DNAAF4: variants seen among roughly 807,000 people sequenced by gnomAD.
DNAAF4 encodes dynein axonemal assembly factor 4.
Under a neutral mutation model 51.8 loss-of-function variants are expected in DNAAF4, and 43 were observed. The observed-to-expected ratio is 0.83, with a 90% CI of 0.65 to 1.07. The LOEUF (loss-of-function observed/expected upper bound fraction) is 1.07, where lower values mean the gene tolerates loss of function less well. DNAAF4 is among the 50% of genes least tolerant of loss of function. The pLI, the probability that DNAAF4 is intolerant of heterozygous loss-of-function variation, is 0.00. For synonymous variants in DNAAF4, 194 were observed against 165.6 expected, an observed-to-expected ratio of 1.17 and a Z score of -1.32; for missense variants, 581 against 493.0, an observed-to-expected ratio of 1.18 and a Z score of -1.69.
At chr15:55,442,663 A>G in intron 6 of DNAAF4, 8 of 1,528,952 alleles carry the variant, frequency 5.2e-6, no homozygotes, top group Admixed American at 3.3e-5. Flanking sequence ...ATTCAGCTTT[A>G]TAAGTAAGCT....
intron 2 of DNAAF4, 119 bp from the exon 3 acceptor site, chr15:55,497,978 A>C (rs553735869): frequency 7.2e-7 from 1 of 1,390,590 alleles, no homozygotes; most frequent in East Asian, 2.4e-5. Flanking sequence ...TATGCCAGGT[A>C]GTGAAAGATT....
chr15:55,464,078 C>T (rs1020832334), intron 5 of DNAAF4, among the ~76,000 whole-genome samples: 2 of 152,154 alleles, frequency 1.3e-5, no homozygotes, highest in Non-Finnish European at 2.9e-5. Context: ...CCACAGTTAC[C>T]AAAACAGTAT....
intron 6 of DNAAF4, among the ~76,000 whole-genome samples, chr15:55,440,882 C>A (rs577236560): frequency 6.7e-6 from 1 of 149,818 alleles, no homozygotes; most frequent in East Asian, 2.0e-4. Flanking sequence ...GGGGTTTCAC[C>A]ATATGGGCCA....
intron 5 of DNAAF4, among the ~76,000 whole-genome samples, chr15:55,458,472 C>A (rs2058050790): frequency 6.6e-6 from 1 of 151,892 alleles, no homozygotes; most frequent in South Asian, 2.1e-4. Context: ...TTCAAACGAA[C>A]CCAATCCAAC....
intron 3 of DNAAF4, among the ~76,000 whole-genome samples, chr15:55,491,853 CTTGT>C (rs1040504103): frequency 2.0e-4 from 29 of 147,088 alleles, no homozygotes; most frequent in African/African-American, 5.2e-4. Context: ...CCATCCACAG[CTTGT>C]TTGTTTGTTT....
At position 55,432,485 on chromosome 15, in the gene DNAAF4, T is replaced by C; in HGVS notation, c.1153+12A>G. ...TAACTTGGGACTTAAACCATTTCTA[T>C]CAATTCCTTACCTTCTACATACAAT... On this transcript the variant is annotated intron_variant, in intron 9 of 9. Coordinates refer to ENST00000321149, the MANE Select transcript of DNAAF4 (RefSeq NM_130810.4). 1 of 1,603,682 alleles carries C rather than the reference T, an allele frequency of 6.2e-7. No individual in the cohort carries two copies. The highest frequency in any genetic ancestry group is 1.1e-5 in the South Asian group (1 of 89,562).
chr15:55,466,870 A>G, intron 5 of DNAAF4, 60 bp downstream of exon 5: 1 of 1,556,618 alleles, frequency 6.4e-7, no homozygotes, highest in Non-Finnish European at 8.6e-7. Flanking sequence ...AAAAAAAGAA[A>G]AGCGTCATAT....
chr15:55,440,342 C>T (rs1354798305), intron 6 of DNAAF4, among the ~76,000 whole-genome samples: 10 of 148,558 alleles, frequency 6.7e-5, no homozygotes, highest in African/African-American at 2.0e-4. Context: ...TGAGCCACCA[C>T]GCCTGGCCAA....
intron 4 of DNAAF4, among the ~76,000 whole-genome samples, chr15:55,476,275 C>T (rs2058333432): frequency 6.6e-6 from 1 of 152,010 alleles, no homozygotes. Context: ...CAAGACCATC[C>T]TGAGTAACAC....
intron 4 of DNAAF4, among the ~76,000 whole-genome samples, chr15:55,487,246 C>T (rs1485702747): frequency 6.6e-6 from 1 of 152,140 alleles, no homozygotes; most frequent in Non-Finnish European, 1.5e-5. Context: ...ACATACCAAT[C>T]AGCACTCTGC....
At chr15:55,477,821 T>G (rs377165555) in intron 4 of DNAAF4, among the ~76,000 whole-genome samples, 1 of 151,844 alleles carries the variant, frequency 6.6e-6, no homozygotes, top group Admixed American at 6.6e-5. Flanking sequence ...ATCCCAGCAC[T>G]TCAGGAGGCT....
Position 55,436,089 on chromosome 15 carries a change from T to C in DNAAF4, c.894-1031A>G, listed in dbSNP as rs185606404. ...AGGCGTGAGCCATTGCGCCCGGCCC[T>C]ATTTTTACTTTTTTGGGAACCACAA... is the stretch of plus-strand genomic sequence containing the variant. On this transcript the variant is annotated intron_variant, in intron 7 of 9. Transcript: ENST00000321149. Among the ~76,000 whole-genome samples the C allele has an allele frequency of 1.4e-3, 218 of 152,238 alleles. 1 individual carries two copies. Among genetic ancestry groups the C allele is most frequent in the South Asian group, 3.7e-3 (18 of 4,822 alleles).
chr15:55,423,735 T>G (rs2057407087), intron 7 of DNAAF4, among the ~76,000 whole-genome samples: 1 of 152,120 alleles, frequency 6.6e-6, no homozygotes, highest in African/African-American at 2.4e-5. Flanking sequence ...GGTGGATCAC[T>G]TAAGATAAGG....
intron 5 of DNAAF4, among the ~76,000 whole-genome samples, chr15:55,455,116 A>C (rs1036318951): frequency 6.9e-6 from 1 of 145,910 alleles, no homozygotes; most frequent in African/African-American, 2.5e-5. Context: ...ATAGAAACTG[A>C]ATCTTTTTTT....
chr15:55,467,887 G>GA (rs2058192470), intron 4 of DNAAF4, among the ~76,000 whole-genome samples: 1 of 151,438 alleles, frequency 6.6e-6, no homozygotes, highest in African/African-American at 2.4e-5. Flanking sequence ...ACATGGGCAA[G>GA]AAAAAAAACC....
rs757113113 is a variant in DNAAF4, at chr15:55,430,774, G to T, written c.1159C>A (p.Gln387Lys). ...CQLELYVEGL[Q>K]DYEAALKIDP... ...ATCTTAAGTGCCGCTTCATAATCCT[G>T]TAGGCCTGTGTTTATATAGCAATGA... The change falls in exon 10 of 10, where the codon CAG (glutamine) becomes AAG (lysine). Residue 387 changes from glutamine to lysine, a missense_variant. Coordinates refer to ENST00000321149, the MANE Select transcript of DNAAF4 (RefSeq NM_130810.4). 2.5e-6 allele frequency: 4 copies of T among 1,610,202 alleles called. No homozygotes were observed. Among genetic ancestry groups the T allele is most frequent in the African/African-American group, 2.7e-5 (2 of 74,894 alleles).
intron 6 of DNAAF4, among the ~76,000 whole-genome samples, chr15:55,446,900 C>G (rs1748482234): frequency 6.8e-6 from 1 of 146,082 alleles, no homozygotes; most frequent in African/African-American, 2.6e-5. Flanking sequence ...GTGCTCCCCA[C>G]TTCCCAGACG....
intron 4 of DNAAF4, among the ~76,000 whole-genome samples, chr15:55,477,194 A>G (rs952147658): frequency 3.3e-5 from 5 of 152,162 alleles, no homozygotes; most frequent in Admixed American, 6.5e-5. Flanking sequence ...AAAAAAGAAA[A>G]GAGTTCTGGA....
At chr15:55,487,210 C>T (rs1232539610) in intron 4 of DNAAF4, among the ~76,000 whole-genome samples, 10 of 152,118 alleles carry the variant, frequency 6.6e-5, no homozygotes, top group Admixed American at 6.5e-4. Context: ...CCAATCAGCG[C>T]TCTGTGTCTA....
Sources: gnomAD v4.1 joint callset for allele counts (sites outside exome capture counted in the v4.1 genomes callset) on GRCh38, gnomAD v4.1.1 for gene constraint, MANE v1.5 for transcripts, NCBI Gene and HGNC (gene_info 2026-07-23, HGNC 2026-07-21) for gene names.